Variants in TTC34 observed in about 807,000 individuals in gnomAD.
TTC34 encodes the protein tetratricopeptide repeat domain 34.
TTC34 carries 44 observed loss-of-function variants against 40.7 expected under a neutral mutation model. The observed-to-expected ratio is 1.08, with a 90% CI of 0.85 to 1.39. TTC34 has a LOEUF of 1.39. Ranked by LOEUF, TTC34 falls within the 40% of genes most tolerant of loss-of-function variation. The probability of loss-of-function intolerance (pLI) is 0.00; values close to 1 mark genes in which losing one functional copy is unlikely to be tolerated. For missense variants in TTC34, 884 were observed against 838.0 expected, an observed-to-expected ratio of 1.05 and a Z score of -0.68; for synonymous variants, 422 against 398.6, an observed-to-expected ratio of 1.06 and a Z score of -0.70.
intron 6 of TTC34, among the ~76,000 whole-genome samples, chr1:2,652,353 A>G (rs796556050): frequency 0.019 from 208 of 10,680 alleles, no homozygotes; most frequent in Middle Eastern, 0.17. Context: ...ATATCCTGGA[A>G]CAGCACGCAC....
In TTC34 at chr1:2,681,997, C is replaced by G. The variant is rs1326346529; in HGVS notation, c.2227-36434G>C. 5.0e-5 allele frequency among the ~76,000 whole-genome samples: 6 copies of G among 119,498 alleles called. 1 individual carries two copies. Among genetic ancestry groups the G allele is most frequent in the African/African-American group, 1.3e-4 (4 of 30,224 alleles). 78.4% of individuals were successfully genotyped at this position (119,498 alleles called of 152,430 possible). A position where few individuals can be genotyped will look rare whatever the true frequency, so the allele number is the denominator to read the frequency against. On this transcript the variant is annotated intron_variant, in intron 6 of 8. Coordinates refer to ENST00000401095, the Ensembl canonical transcript of TTC34. ...AACAGCACCCACACCCCCAGGTGAG[C>G]ATCAGACAGCCTGGAACAACACCCA...
At chr1:2,641,655 G>A (rs760218762) in exon 9 of TTC34, 2 of 1,535,382 alleles carry the variant, frequency 1.3e-6, no homozygotes, top group East Asian at 2.4e-5. Context: ...AGCAGCAGGC[G>A]ACCCTGACGG....
chr1:2,756,787 C>A (rs1641521917), intron 6 of TTC34, among the ~76,000 whole-genome samples: 12 of 147,400 alleles, frequency 8.1e-5, no homozygotes, highest in Non-Finnish European at 1.3e-4. Flanking sequence ...GCATCCACAC[C>A]CCCAGGTGAA....
chr1:2,651,378 T>A (rs930694818), intron 6 of TTC34, among the ~76,000 whole-genome samples: 1 of 152,022 alleles, frequency 6.6e-6, no homozygotes, highest in African/African-American at 2.4e-5. Flanking sequence ...TGGGACAGAC[T>A]GGAGCAGCAT....
chr1:2,781,252 T>C (rs367841918), intron 6 of TTC34, among the ~76,000 whole-genome samples: 2 of 152,354 alleles, frequency 1.3e-5, no homozygotes, highest in African/African-American at 4.8e-5. Flanking sequence ...TGTGGGGATT[T>C]CAGTATCTGA....
intron 6 of TTC34, among the ~76,000 whole-genome samples, chr1:2,751,557 AG>A (rs1641320074): frequency 1.0e-5 from 1 of 98,856 alleles, no homozygotes; most frequent in African/African-American, 4.8e-5. Context: ...AGCCTGCAAC[AG>A]CACGCACACC....
At position 2,645,492 on chromosome 1, in the gene TTC34, C is replaced by T; in HGVS notation, c.2298G>A (p.Leu766=). 1 of 1,520,274 alleles carries T rather than the reference C, an allele frequency of 6.6e-7. No individual in the cohort carries two copies. The highest frequency in any genetic ancestry group is 8.7e-7 in the Non-Finnish European group (1 of 1,143,044). 94.2% of individuals were successfully genotyped at this position (1,520,274 alleles called of 1,614,324 possible). A position where few individuals can be genotyped will look rare whatever the true frequency, so the allele number is the denominator to read the frequency against. Residue 766 remains leucine, a synonymous_variant, in exon 7 of 9, where the codon CTG becomes CTA. Transcript: ENST00000401095. This position sits in a 1 kb window ranked among gnomAD's most constrained non-coding sequence, Gnocchi z 4.7. ...TGATGAGGGCCTGGGCTTCCGGCTTCAGAGAGCGGAGCTCAGGGACCACAG... is the reference window on the plus strand; with the variant it reads ...TGATGAGGGCCTGGGCTTCCGGCTTTAGAGAGCGGAGCTCAGGGACCACAG...
chr1:2,775,083 G>T (rs1437922347), intron 6 of TTC34: 1 of 130,624 alleles, frequency 7.7e-6, no homozygotes, highest in African/African-American at 3.0e-5. Flanking sequence ...GTGAGCATCC[G>T]ACAGCCTGGA....
chr1:2,797,849 G>A (rs983559175), intron 2 of TTC34, among the ~76,000 whole-genome samples: 7 of 151,938 alleles, frequency 4.6e-5, no homozygotes, highest in African/African-American at 1.2e-4. Context: ...CTCAGAAAAC[G>A]TTCCTGACCC....
chr1:2,674,744 T>G, intron 6 of TTC34, among the ~76,000 whole-genome samples: 1 of 76,938 alleles, frequency 1.3e-5, no homozygotes, highest in African/African-American at 4.7e-5. Flanking sequence ...TCCGACAGCC[T>G]GGAGCAGCAA....
intron 1 of TTC34, 133 bp downstream of exon 1, chr1:2,801,444 C>CA (rs1643772181): frequency 6.6e-6 from 1 of 152,308 alleles, no homozygotes; most frequent in African/African-American, 2.4e-5. Context: ...GTTCCAGGGA[C>CA]AGCCCCTGGT....
intron 6 of TTC34, among the ~76,000 whole-genome samples, chr1:2,682,110 C>T (rs1440736430): frequency 1.4e-5 from 2 of 146,318 alleles, no homozygotes; most frequent in Non-Finnish European, 3.0e-5. Context: ...CCCACACCCC[C>T]AGGTGAGCAT....
At chr1:2,752,652 C>A (rs1218988962) in intron 6 of TTC34, among the ~76,000 whole-genome samples, 1,635 of 130,612 alleles carry the variant, frequency 0.013, 47 homozygotes, top group Admixed American at 0.022. Flanking sequence ...TGCACACACA[C>A]CCCCAGGCGA....
In TTC34 at chr1:2,641,901, C is replaced by T; in HGVS notation, c.2713-6G>A. ...CCGGCTTCCTGGGCCGCCGCCTGCA[C>T]AGAGGACACAGAGAGAGGCAGGGAG... On this transcript the variant is annotated splice_region_variant and splice_polypyrimidine_tract_variant and intron_variant, in intron 8 of 8. Coordinates refer to ENST00000401095, the Ensembl canonical transcript of TTC34. The T allele has an allele frequency of 6.8e-7, 1 of 1,460,976 alleles. No individual in the cohort carries two copies. The highest frequency in any genetic ancestry group is 1.4e-5 in the South Asian group (1 of 72,370). The allele number at this position is 1,460,976 out of a possible 1,614,324, so 90.5% of individuals were successfully genotyped here. A position where few individuals can be genotyped will look rare whatever the true frequency, so the allele number is the denominator to read the frequency against.
chr1:2,752,882 A>G (rs1641371153), intron 6 of TTC34, among the ~76,000 whole-genome samples: 1 of 150,730 alleles, frequency 6.6e-6, no homozygotes, highest in African/African-American at 2.5e-5. Context: ...ATGGCCTGGA[A>G]CGGCACCCAC....
At position 2,644,343 on chromosome 1, in the gene TTC34, C is replaced by T. The variant is rs1282886387; in HGVS notation, c.2633G>A (p.Ser878Asn). The T allele has an allele frequency of 3.9e-6, 6 of 1,535,998 alleles. No individual in the cohort carries two copies. Among genetic ancestry groups the T allele is most frequent in the Admixed American group, 3.9e-5 (2 of 51,012 alleles). The change falls in exon 8 of 9, where the codon AGC (serine) becomes AAC (asparagine). Residue 878 changes from serine (S) to asparagine (N), a missense_variant. Coordinates refer to ENST00000401095, the Ensembl canonical transcript of TTC34. The stretch of plus-strand genomic sequence containing the variant: ...ATCCGGGGCATCCACCTCGGCCAGG[C>T]TCTGCAGGTCCCTTGCAGCCCCTGG...
intron 6 of TTC34, among the ~76,000 whole-genome samples, chr1:2,750,215 C>A (rs1641269670): frequency 6.6e-6 from 1 of 152,290 alleles, no homozygotes; most frequent in Admixed American, 6.5e-5. Context: ...CCCAGGTGCG[C>A]ATCTGATGGT....
At chr1:2,753,732 A>C (rs1428818650) in intron 6 of TTC34, among the ~76,000 whole-genome samples, 432 of 7,276 alleles carry the variant, frequency 0.059, no homozygotes, top group Middle Eastern at 0.11. Flanking sequence ...GGAGCAGCAC[A>C]CACACCCACA....
In TTC34 at chr1:2,778,955, T is replaced by A. The variant is rs376277403; in HGVS notation, c.2226+4654A>T. 1.9e-4 allele frequency among the ~76,000 whole-genome samples: 29 copies of A among 152,216 alleles called. No homozygotes were observed. The Middle Eastern group carries it at 0.01, about 54-fold the overall frequency. On this transcript the variant is annotated intron_variant, in intron 6 of 8. Transcript: ENST00000401095. ...GCCCCCAACCCCAGGCACCCACCAT[T>A]CTGCTTTCTGTCTCTGTGATTCGAT...
Sources: gnomAD v4.1 joint callset for allele counts (sites outside exome capture counted in the v4.1 genomes callset) on GRCh38, gnomAD v4.1.1 for gene constraint, Gnocchi (gnomAD v3.1) non-coding constraint, MANE v1.5 for transcripts, NCBI Gene and HGNC (gene_info 2026-07-23, HGNC 2026-07-21) for gene names.